The following PNLIPRP3 variants were observed in gnomAD, a reference collection of about 807,000 sequenced individuals.
PNLIPRP3 encodes pancreatic lipase related protein 3, also known as pancreatic lipase-related protein 3.
A neutral mutation model predicts 52.8 loss-of-function variants in PNLIPRP3; 58 were observed. That is an observed-to-expected ratio of 1.10 (90% CI 0.89 to 1.37). The LOEUF (loss-of-function observed/expected upper bound fraction) is 1.37. PNLIPRP3 is among the 40% of genes most tolerant of loss of function. The pLI is 0.00. For missense variants in PNLIPRP3, 593 were observed against 561.6 expected (o/e 1.06, Z -0.57); for synonymous variants, 192 against 185.0 (o/e 1.04, Z -0.31).
At chr10:116,449,220 A>G (rs1846000849) in intron 4 of PNLIPRP3, among the ~76,000 whole-genome samples, 1 of 152,192 alleles carries the variant, frequency 6.6e-6, no homozygotes, top group Non-Finnish European at 1.5e-5. Flanking sequence ...AAACAAACAA[A>G]AAACAATAAG....
At chr10:116,474,194 G>A (rs1161880736) in intron 10 of PNLIPRP3, among the ~76,000 whole-genome samples, 1 of 152,152 alleles carries the variant, frequency 6.6e-6, no homozygotes, top group Non-Finnish European at 1.5e-5. Context: ...AAGCAATGGG[G>A]AAAGAATCCC....
chr10:116,440,667 C>A (rs148847500), intron 2 of PNLIPRP3, among the ~76,000 whole-genome samples: 1 of 152,110 alleles, frequency 6.6e-6, no homozygotes. Flanking sequence ...TGGTGTGGTA[C>A]GATAAACTTG....
chr10:116,477,256 GTCATTTACAAGGGTCT>G lies in PNLIPRP3; in HGVS notation c.*105_*120del, dbSNP rs1846487825. On this transcript the variant is annotated 3_prime_UTR_variant, in exon 12 of 12. Transcript: ENST00000369230. ...AAATTTGACCCTTGTAAATGACTTA[GTCATTTACAAGGGTCT>G]TACTCAGAGTCAAGTACGGGTTTGC... 4 of 915,414 alleles carry G rather than the reference GTCATTTACAAGGGTCT, an allele frequency of 4.4e-6. No homozygotes were observed. Among genetic ancestry groups the G allele is most frequent in the South Asian group, 1.5e-5 (1 of 65,984 alleles). The allele number at this position is 915,414 out of a possible 1,614,324, so 56.7% of individuals were successfully genotyped here. A position where few individuals can be genotyped will look rare whatever the true frequency, so the allele number is the denominator to read the frequency against.
intron 10 of PNLIPRP3, among the ~76,000 whole-genome samples, chr10:116,473,683 G>A (rs1846410569): frequency 6.6e-6 from 1 of 151,922 alleles, no homozygotes; most frequent in African/African-American, 2.4e-5. Flanking sequence ...CACCATGCCT[G>A]GCTAATTTTT....
intron 10 of PNLIPRP3, among the ~76,000 whole-genome samples, chr10:116,473,200 G>A (rs1226921234): frequency 6.6e-6 from 1 of 152,342 alleles, no homozygotes; most frequent in African/African-American, 2.4e-5. Context: ...AAGCATTGAA[G>A]GTTCACAGCA....
intron 4 of PNLIPRP3, among the ~76,000 whole-genome samples, chr10:116,449,538 TAATAATTATA>T (rs1345708465): frequency 6.6e-6 from 1 of 152,106 alleles, no homozygotes; most frequent in Non-Finnish European, 1.5e-5. Context: ...CAGGAAGATA[TAATAATTATA>T]AATATATATA....
chr10:116,477,118 G>A lies in PNLIPRP3; in HGVS notation c.1369G>A (p.Gly457Arg). 1 of 1,598,066 alleles carries A rather than the reference G, an allele frequency of 6.3e-7. No homozygotes were observed. Among genetic ancestry groups the A allele is most frequent in the Non-Finnish European group, 8.6e-7 (1 of 1,169,202 alleles). Residue 457 changes from glycine (G) to arginine (R), a missense_variant, in exon 12 of 12, where the codon GGA (glycine) becomes AGA (arginine). Physicochemically the swap from Gly to Arg is moderately radical, Grantham distance 125 (BLOSUM62 -2). Coordinates refer to ENST00000369230, the MANE Select transcript of PNLIPRP3 (RefSeq NM_001011709.3). Reference sequence around the variant, plus strand: ...TACCTTCTGTAGCCAAGACATTATGGGACCTAATATTCTCCAGAACCTGAA... The same window carrying A: ...TACCTTCTGTAGCCAAGACATTATGAGACCTAATATTCTCCAGAACCTGAA... ...KSTFCSQDIMGPNILQNLKPC is the reference protein window; with the variant it reads ...KSTFCSQDIMRPNILQNLKPC
intron 2 of PNLIPRP3, among the ~76,000 whole-genome samples, chr10:116,440,585 A>T (rs757360753): frequency 4.6e-5 from 7 of 152,212 alleles, no homozygotes; most frequent in Non-Finnish European, 7.3e-5. Flanking sequence ...CTCATTTATA[A>T]ACAAATCAGA....
chr10:116,436,981 A>T, intron 2 of PNLIPRP3, 116 bp downstream of exon 2: 1 of 1,084,498 alleles, frequency 9.2e-7, no homozygotes, highest in South Asian at 2.5e-5. Context: ...ACTTAAATGC[A>T]AACATTTCTT....
At chr10:116,463,281 G>A (rs761267555) in intron 7 of PNLIPRP3, among the ~76,000 whole-genome samples, 32 of 152,182 alleles carry the variant, frequency 2.1e-4, no homozygotes, top group Non-Finnish European at 4.6e-4. Flanking sequence ...ATTCTGCTTC[G>A]TGTGGTGTTG....
chr10:116,456,534 C>G (rs1846116255), intron 5 of PNLIPRP3, among the ~76,000 whole-genome samples: 1 of 152,154 alleles, frequency 6.6e-6, no homozygotes, highest in Admixed American at 6.5e-5. Context: ...CCTGGACGTT[C>G]CTGACACACT....
At chr10:116,453,822 G>C (rs567541461) in intron 4 of PNLIPRP3, among the ~76,000 whole-genome samples, 2 of 152,182 alleles carry the variant, frequency 1.3e-5, no homozygotes, top group East Asian at 3.9e-4. Context: ...AGAATGTGCA[G>C]GTTTTTTACA....
intron 5 of PNLIPRP3, among the ~76,000 whole-genome samples, chr10:116,457,732 A>C (rs1846135861): frequency 6.6e-6 from 1 of 152,226 alleles, no homozygotes; most frequent in Non-Finnish European, 1.5e-5. Flanking sequence ...AGGCTGAGTG[A>C]AGCAGAACAC....
chr10:116,472,468 C>A (rs1403334028), intron 10 of PNLIPRP3, among the ~76,000 whole-genome samples: 1 of 152,116 alleles, frequency 6.6e-6, no homozygotes, highest in African/African-American at 2.4e-5. Flanking sequence ...TAATTTATGT[C>A]AGAATTAACA....
At chr10:116,438,836 TA>T (rs1307459890) in intron 2 of PNLIPRP3, among the ~76,000 whole-genome samples, 2 of 152,156 alleles carry the variant, frequency 1.3e-5, no homozygotes, top group African/African-American at 4.8e-5. Flanking sequence ...GAGACACTTA[TA>T]AAGAAACATT....
intron 7 of PNLIPRP3, among the ~76,000 whole-genome samples, chr10:116,462,532 C>A (rs1406033052): frequency 6.6e-6 from 1 of 151,912 alleles, no homozygotes; most frequent in Non-Finnish European, 1.5e-5. Context: ...AATATTTGCT[C>A]TGAAAGAGAA....
At chr10:116,465,372 T>C (rs1215353472) in intron 7 of PNLIPRP3, among the ~76,000 whole-genome samples, 1 of 151,836 alleles carries the variant, frequency 6.6e-6, no homozygotes, top group Non-Finnish European at 1.5e-5. Flanking sequence ...CCGTCTCTAC[T>C]AAAAACACAA....
At chr10:116,446,577 G>C (rs1322766124) in intron 4 of PNLIPRP3, among the ~76,000 whole-genome samples, 3 of 152,062 alleles carry the variant, frequency 2.0e-5, no homozygotes, top group African/African-American at 7.2e-5. Flanking sequence ...ATAATTATGA[G>C]AGCCTGAAAC....
intron 1 of PNLIPRP3, among the ~76,000 whole-genome samples, chr10:116,430,312 GAGAGGCA>G (rs1371878199): frequency 6.6e-6 from 1 of 152,146 alleles, no homozygotes; most frequent in Non-Finnish European, 1.5e-5. Context: ...TTGGAGGTTT[GAGAGGCA>G]AGAAGAATGA....
Sources: allele counts gnomAD v4.1 joint callset (sites outside exome capture counted in the v4.1 genomes callset), GRCh38; gene constraint gnomAD v4.1.1; transcripts MANE v1.5; gene names NCBI Gene and HGNC (gene_info 2026-07-23, HGNC 2026-07-21).